SCN3A: variants seen among roughly 807,000 people sequenced by gnomAD.
The protein encoded by SCN3A is sodium channel protein type 3 subunit alpha.
A neutral mutation model predicts 187.6 loss-of-function variants in SCN3A; 60 were observed. The ratio of observed to expected loss-of-function variants is 0.32; its 90% CI spans 0.26 to 0.40. The LOEUF is 0.40. SCN3A is among the 10% of genes least tolerant of loss of function. The pLI is 1.00. For missense variants in SCN3A, 1,601 were observed against 2,428.2 expected, an observed-to-expected ratio of 0.66 and a Z score of 7.16; for synonymous variants, 788 against 829.2, an observed-to-expected ratio of 0.95 and a Z score of 0.85.
intron 1 of SCN3A, among the ~76,000 whole-genome samples, chr2:165,192,078 T>TA (rs1434761445): frequency 6.6e-6 from 1 of 152,130 alleles, no homozygotes; most frequent in Non-Finnish European, 1.5e-5. Flanking sequence ...CAGATAACTT[T>TA]GTTTTGTATT....
chr2:165,122,238 TC>T (rs199599128), intron 18 of SCN3A, among the ~76,000 whole-genome samples: 1 of 119,362 alleles, frequency 8.4e-6, no homozygotes, highest in Non-Finnish European at 1.7e-5. Context: ...TTCTTTTTTT[TC>T]TTTTTTTTTT....
At chr2:165,116,526 G>GCATGGA (rs1283678164) in intron 18 of SCN3A, among the ~76,000 whole-genome samples, 7 of 152,158 alleles carry the variant, frequency 4.6e-5, no homozygotes, top group African/African-American at 7.2e-5. Flanking sequence ...AAACAATAGT[G>GCATGGA]CATGGACATG....
chr2:165,157,823 A>C (rs1288597672), intron 9 of SCN3A, among the ~76,000 whole-genome samples: 1 of 152,144 alleles, frequency 6.6e-6, no homozygotes, highest in Non-Finnish European at 1.5e-5. Flanking sequence ...ATGATATTTC[A>C]TTTATTTGTT....
intron 11 of SCN3A, among the ~76,000 whole-genome samples, chr2:165,150,499 AG>A (rs1304090466): frequency 6.6e-6 from 1 of 152,220 alleles, no homozygotes; most frequent in Non-Finnish European, 1.5e-5. Flanking sequence ...TACTCCAATC[AG>A]TATTATACTT....
At chr2:165,097,604 A>C (rs1336163963) in intron 22 of SCN3A, 80 bp from the exon 23 acceptor site, 2 of 1,535,018 alleles carry the variant, frequency 1.3e-6, no homozygotes, top group Non-Finnish European at 1.8e-6. Context: ...GTTTAGTATT[A>C]ATATGTGCTT....
chr2:165,123,602 G>C (rs1029118078), intron 18 of SCN3A, among the ~76,000 whole-genome samples: 9 of 152,164 alleles, frequency 5.9e-5, no homozygotes, highest in African/African-American at 2.2e-4. Flanking sequence ...GCTCTGCAAA[G>C]TAGAGTTCAA....
chr2:165,136,881 G>A (rs898858857), intron 15 of SCN3A, among the ~76,000 whole-genome samples: 3 of 152,096 alleles, frequency 2.0e-5, no homozygotes, highest in East Asian at 1.9e-4. Context: ...TCCCCCTTCT[G>A]TTGGCAATTG....
intron 5 of SCN3A, 36 bp from the exon 6 acceptor site, chr2:165,164,556 G>T (rs1326296319): frequency 1.2e-6 from 2 of 1,610,798 alleles, no homozygotes; most frequent in East Asian, 2.2e-5. Flanking sequence ...TAACAATTTT[G>T]CTTGAACTGT....
intron 2 of SCN3A, among the ~76,000 whole-genome samples, chr2:165,183,617 T>G (rs1488800946): frequency 6.6e-6 from 1 of 152,214 alleles, no homozygotes; most frequent in Non-Finnish European, 1.5e-5. Flanking sequence ...TTTCCATTAG[T>G]CATGGCCTAT....
chr2:165,165,087 A>G (rs747517840), intron 5 of SCN3A, among the ~76,000 whole-genome samples: 1 of 152,134 alleles, frequency 6.6e-6, no homozygotes, highest in Non-Finnish European at 1.5e-5. Flanking sequence ...ATTTTATTCA[A>G]ATTTCTTAAT....
intron 18 of SCN3A, among the ~76,000 whole-genome samples, chr2:165,117,898 T>A (rs1021760780): frequency 6.6e-6 from 1 of 152,234 alleles, no homozygotes; most frequent in Non-Finnish European, 1.5e-5. Context: ...ACTGCTAATA[T>A]AATTGTGAGA....
intron 7 of SCN3A, 111 bp from the exon 8 acceptor site, chr2:165,162,939 A>C (rs1226903096): frequency 2.0e-5 from 26 of 1,309,322 alleles, no homozygotes; most frequent in Non-Finnish European, 2.8e-5. Context: ...CTATTTAGAC[A>C]CCAAAGCTGT....
At chr2:165,101,325 A>G (rs964312705) in intron 21 of SCN3A, among the ~76,000 whole-genome samples, 4 of 151,982 alleles carry the variant, frequency 2.6e-5, no homozygotes, top group Non-Finnish European at 5.9e-5. Flanking sequence ...TTTTTGGGGG[A>G]GGAAGTTTAT....
chr2:165,149,473 C>G (rs1219361167), intron 11 of SCN3A, among the ~76,000 whole-genome samples: 5 of 152,182 alleles, frequency 3.3e-5, no homozygotes, highest in African/African-American at 1.2e-4. Context: ...CCGCACCCGG[C>G]CACAAACTTT....
chr2:165,133,417 C>G (rs1276810737), intron 15 of SCN3A, among the ~76,000 whole-genome samples: 1 of 151,908 alleles, frequency 6.6e-6, no homozygotes, highest in Non-Finnish European at 1.5e-5. Flanking sequence ...TAGAGTGGCG[C>G]GATCTTGGCT....
chr2:165,095,571 G>A lies in SCN3A; in HGVS notation c.4371C>T (p.Phe1457=). The change falls in exon 25 of 28, where the codon TTC becomes TTT. Residue 1457 remains phenylalanine, a synonymous_variant. Coordinates refer to ENST00000283254, the MANE Select transcript of SCN3A (RefSeq NM_006922.4). The part of the protein sequence containing the change: ...YFVIFIIFGS[F]FTLNLFIGVI... ...CACCAATGAATAGATTCAGAGTGAA[G>A]AATGACCCAAAGATGATAAAGATGA... The A allele has an allele frequency of 6.2e-7, 1 of 1,602,068 alleles. No homozygotes were observed. Among genetic ancestry groups the A allele is most frequent in the South Asian group, 1.1e-5 (1 of 90,772 alleles).
rs1687092049 is a variant in SCN3A at position 165,127,936 on chromosome 2, A to C, written c.3088T>G (p.Phe1030Val). Residue 1030 changes from phenylalanine (F) to valine (V), a missense_variant, in exon 18 of 28, where the codon TTT becomes GTT. Transcript: ENST00000283254. ...TCTATAACTTTTGGCTTTCTAAAAA[A>C]GGCTTTTTGGAAACACTCCCGCATC... Reference protein sequence around the residue: ...NKMRECFQKAFFRKPKVIEIH... With the variant: ...NKMRECFQKAVFRKPKVIEIH... The C allele has an allele frequency of 6.2e-7, 1 of 1,614,096 alleles. No individual in the cohort carries two copies. The highest frequency in any genetic ancestry group is 8.5e-7 in the Non-Finnish European group (1 of 1,180,020).
intron 5 of SCN3A, among the ~76,000 whole-genome samples, chr2:165,165,893 G>A (rs1380822249): frequency 6.6e-6 from 1 of 152,128 alleles, no homozygotes; most frequent in East Asian, 1.9e-4. Context: ...GATCTCATAA[G>A]CAATAATTCC....
intron 21 of SCN3A, among the ~76,000 whole-genome samples, chr2:165,105,183 G>A (rs113676505): frequency 3.3e-5 from 5 of 152,230 alleles, no homozygotes; most frequent in African/African-American, 9.6e-5. Flanking sequence ...TTCACCCAAC[G>A]CTCTCCAACC....
Sources: allele counts gnomAD v4.1 joint callset (sites outside exome capture counted in the v4.1 genomes callset), GRCh38; gene constraint gnomAD v4.1.1; transcripts MANE v1.5; gene names NCBI Gene and HGNC (gene_info 2026-07-23, HGNC 2026-07-21).